Variants in CCSER2 observed in about 807,000 individuals in gnomAD.
CCSER2 encodes coiled-coil serine rich protein 2.
CCSER2 carries 46 observed loss-of-function variants against 92.3 expected under a neutral mutation model. The ratio of observed to expected loss-of-function variants is 0.50; its 90% CI spans 0.39 to 0.64. CCSER2 has a LOEUF of 0.64. CCSER2 is among the 30% of genes least tolerant of loss of function. CCSER2 has a pLI of 0.00. For missense variants in CCSER2, 1,244 were observed against 1,238.9 expected, an observed-to-expected ratio of 1.00 and a Z score of -0.06; for synonymous variants, 433 against 431.4, an observed-to-expected ratio of 1.00 and a Z score of -0.04.
At chr10:84,454,359 G>T (rs1845478618) in intron 6 of CCSER2, among the ~76,000 whole-genome samples, 1 of 152,078 alleles carries the variant, frequency 6.6e-6, no homozygotes, top group African/African-American at 2.4e-5. Flanking sequence ...CATCGTAAAG[G>T]CCTATTTTCA....
intron 4 of CCSER2, chr10:84,425,016 G>A (rs1205721257): frequency 1.0e-6 from 1 of 983,274 alleles, no homozygotes; most frequent in African/African-American, 1.7e-5. Flanking sequence ...CTCTCTTAGT[G>A]AGTGCTCAGA....
intron 9 of CCSER2, among the ~76,000 whole-genome samples, chr10:84,495,539 G>A (rs1276177604): frequency 6.6e-6 from 1 of 152,100 alleles, no homozygotes; most frequent in South Asian, 2.1e-4. Context: ...TTTATCAGTT[G>A]TTGGGATGGG....
chr10:84,468,421 A>G (rs539080012), intron 7 of CCSER2, among the ~76,000 whole-genome samples: 1 of 152,352 alleles, frequency 6.6e-6, no homozygotes, highest in Admixed American at 6.5e-5. Context: ...TATATGTGTC[A>G]AAACATTACT....
intron 1 of CCSER2, among the ~76,000 whole-genome samples, chr10:84,352,005 A>G (rs973774661): frequency 6.6e-6 from 1 of 152,108 alleles, no homozygotes; most frequent in African/African-American, 2.4e-5. Flanking sequence ...AGATAGGCAA[A>G]ATGGTGACTT....
At chr10:84,401,439 A>G (rs1458678369) in intron 3 of CCSER2, among the ~76,000 whole-genome samples, 1 of 152,206 alleles carries the variant, frequency 6.6e-6, no homozygotes. Context: ...AATTTTTACT[A>G]CTTGAGTGGA....
intron 5 of CCSER2, among the ~76,000 whole-genome samples, chr10:84,433,351 A>G (rs560058772): frequency 2.6e-5 from 4 of 152,304 alleles, no homozygotes; most frequent in African/African-American, 9.6e-5. Context: ...ATGGTGATGA[A>G]ACACTAATGA....
chr10:84,337,897 G>A (rs1843928783), intron 1 of CCSER2, among the ~76,000 whole-genome samples: 1 of 152,134 alleles, frequency 6.6e-6, no homozygotes, highest in Non-Finnish European at 1.5e-5. Flanking sequence ...GCAGGTAGGG[G>A]AATAGTTGGT....
intron 9 of CCSER2, among the ~76,000 whole-genome samples, chr10:84,510,416 T>C (rs1849291345): frequency 6.6e-6 from 1 of 152,176 alleles, no homozygotes; most frequent in South Asian, 2.1e-4. Flanking sequence ...CTTTACCTTA[T>C]TGTCTCCCTC....
intron 3 of CCSER2, among the ~76,000 whole-genome samples, chr10:84,386,440 G>A (rs2133235939): frequency 6.6e-6 from 1 of 152,244 alleles, no homozygotes; most frequent in East Asian, 1.9e-4. Flanking sequence ...ACTGAGACTG[G>A]GCCTAGTGGC....
At chr10:84,390,010 T>C (rs1841437331) in intron 3 of CCSER2, among the ~76,000 whole-genome samples, 1 of 152,174 alleles carries the variant, frequency 6.6e-6, no homozygotes, top group Non-Finnish European at 1.5e-5. Flanking sequence ...CTAGATGTGC[T>C]CACTGCTATT....
chr10:84,411,437 T>C (rs1842644953), intron 3 of CCSER2, among the ~76,000 whole-genome samples: 1 of 152,158 alleles, frequency 6.6e-6, no homozygotes, highest in African/African-American at 2.4e-5. Context: ...CATCCATGAG[T>C]GTGGAATGGT....
intron 2 of CCSER2, among the ~76,000 whole-genome samples, chr10:84,372,768 A>T (rs1846134940): frequency 6.6e-6 from 1 of 152,124 alleles, no homozygotes; most frequent in Non-Finnish European, 1.5e-5. Context: ...TCCCCTGCTT[A>T]CCTCAACCAG....
chr10:84,484,392 C>T (rs1220189318), intron 9 of CCSER2, among the ~76,000 whole-genome samples: 1 of 152,056 alleles, frequency 6.6e-6, no homozygotes, highest in East Asian at 1.9e-4. Flanking sequence ...GGACCACAGG[C>T]ATGAGCCATC....
intron 1 of CCSER2, among the ~76,000 whole-genome samples, chr10:84,345,142 CTG>C (rs1844407672): frequency 6.6e-6 from 1 of 152,074 alleles, no homozygotes; most frequent in South Asian, 2.1e-4. Context: ...GGGGAAGAAA[CTG>C]AAGGCGGAAA....
intron 9 of CCSER2, among the ~76,000 whole-genome samples, chr10:84,500,717 A>G (rs1001539513): frequency 6.6e-6 from 1 of 152,208 alleles, no homozygotes; most frequent in African/African-American, 2.4e-5. Context: ...ATAAAAAGCT[A>G]TTATTAATGA....
chr10:84,488,976 C>T (rs996259621), intron 9 of CCSER2, among the ~76,000 whole-genome samples: 1 of 152,160 alleles, frequency 6.6e-6, no homozygotes. Context: ...ATCTTTATTT[C>T]TGCCTTCATT....
intron 6 of CCSER2, among the ~76,000 whole-genome samples, chr10:84,453,255 T>G (rs1845406953): frequency 6.6e-6 from 1 of 152,216 alleles, no homozygotes; most frequent in African/African-American, 2.4e-5. Context: ...ACAATATATT[T>G]CTATGATATA....
chr10:84,486,850 TTTC>T (rs2133783587), intron 9 of CCSER2, among the ~76,000 whole-genome samples: 1 of 152,374 alleles, frequency 6.6e-6, no homozygotes, highest in African/African-American at 2.4e-5. Flanking sequence ...CTGCCTAGGC[TTTC>T]TTCTAGAGTT....
intron 6 of CCSER2, among the ~76,000 whole-genome samples, chr10:84,453,141 ATTTAT>A (rs763660735): frequency 6.7e-6 from 1 of 149,066 alleles, no homozygotes; most frequent in African/African-American, 2.4e-5. Context: ...TGTCCCATGC[ATTTAT>A]TTTATTTCAT....
Sources: allele counts gnomAD v4.1 joint callset (sites outside exome capture counted in the v4.1 genomes callset), GRCh38; gene constraint gnomAD v4.1.1; transcripts MANE v1.5; gene names NCBI Gene and HGNC (gene_info 2026-07-23, HGNC 2026-07-21).